FARP1: variants seen among roughly 807,000 people sequenced by gnomAD.
The protein encoded by FARP1 is FERM, ARHGEF and pleckstrin domain-containing protein 1.
FARP1 carries 52 observed loss-of-function variants against 128.8 expected under a neutral mutation model. That is an observed-to-expected ratio of 0.40 (90% CI 0.32 to 0.51). The LOEUF (loss-of-function observed/expected upper bound fraction) is 0.51, where lower values mean the gene tolerates loss of function less well. Ranked by LOEUF, FARP1 falls within the 20% of genes least tolerant of loss-of-function variation. The pLI is 0.45. For synonymous variants in FARP1, 580 were observed against 551.8 expected (o/e 1.05, Z -0.72); for missense variants, 1,333 against 1,367.9 (o/e 0.97, Z 0.40).
intron 1 of FARP1, among the ~76,000 whole-genome samples, chr13:98,189,912 C>A (rs1197979090): frequency 6.6e-6 from 1 of 152,146 alleles, no homozygotes; most frequent in Non-Finnish European, 1.5e-5. Flanking sequence ...TTTTTTACTG[C>A]TTATTTAAAA....
At chr13:98,273,927 C>G (rs750408966) in intron 2 of FARP1, among the ~76,000 whole-genome samples, 33 of 152,116 alleles carry the variant, frequency 2.2e-4, no homozygotes, top group Non-Finnish European at 3.8e-4. Flanking sequence ...TGATGGCGGT[C>G]AATGACAGAC....
chr13:98,323,009 T>C (rs1594401374), intron 2 of FARP1, among the ~76,000 whole-genome samples: 1 of 152,168 alleles, frequency 6.6e-6, no homozygotes, highest in East Asian at 1.9e-4. Flanking sequence ...AACAGTAATA[T>C]TAGATATATG....
chr13:98,377,650 T>C (rs1272944439), intron 5 of FARP1, among the ~76,000 whole-genome samples, 171 bp from the exon 6 acceptor site: 1 of 152,192 alleles, frequency 6.6e-6, no homozygotes, highest in East Asian at 1.9e-4. Flanking sequence ...CTCTTTGTAT[T>C]TTGGAGGGAG....
At chr13:98,392,327 A>C (rs1243818209) in intron 11 of FARP1, among the ~76,000 whole-genome samples, 1 of 133,808 alleles carries the variant, frequency 7.5e-6, no homozygotes, top group African/African-American at 3.2e-5. Context: ...TCTACCCAAA[A>C]AAAAAAAAAA....
Position 98,343,836 on chromosome 13 carries a change from C to A in FARP1, c.246C>A (p.Gly82=), listed in dbSNP as rs1234781460. Residue 82 remains glycine, a synonymous_variant, in exon 3 of 27, where the codon GGC becomes GGA. Transcript: ENST00000319562. Reference sequence around the variant, plus strand: ...ACCTCGTGGAAGGTGACTATTTTGGCCTCGAGTTTCCTGATCACAAAAAGA... The same window carrying A: ...ACCTCGTGGAAGGTGACTATTTTGGACTCGAGTTTCCTGATCACAAAAAGA... The part of the protein sequence containing the change: ...HLNLVEGDYF[G]LEFPDHKKIT... 5.0e-6 allele frequency: 8 copies of A among 1,612,584 alleles called. No homozygotes were observed. The highest frequency in any genetic ancestry group is 6.8e-6 in the Non-Finnish European group (8 of 1,179,430).
intron 2 of FARP1, among the ~76,000 whole-genome samples, chr13:98,249,772 C>T (rs567278331): frequency 7.9e-5 from 12 of 152,222 alleles, no homozygotes; most frequent in Middle Eastern, 3.4e-3. Context: ...AAAAGACAGA[C>T]GGAAACCTGA....
chr13:98,289,619 C>T (rs906350540), intron 2 of FARP1, among the ~76,000 whole-genome samples: 1 of 152,150 alleles, frequency 6.6e-6, no homozygotes, highest in Non-Finnish European at 1.5e-5. Context: ...GGTCCCTGCT[C>T]TCAAGGAGAT....
rs1268313236 is a variant in FARP1, at chr13:98,204,387, A to T, written c.-23-8833A>T. On this transcript the variant is annotated intron_variant, in intron 1 of 26. Transcript: ENST00000319562. ...ATCTTCCTATTATCAGTTTTAAAAC[A>T]TGAGGTAATAGGTAACTTACAGTGC... is the stretch of plus-strand genomic sequence containing the variant. Among the ~76,000 whole-genome samples, 3 of 152,340 alleles carry T rather than the reference A, an allele frequency of 2.0e-5. No homozygotes were observed. The East Asian group carries it at 5.8e-4, about 29-fold the overall frequency.
chr13:98,239,383 T>G (rs1247189711), intron 2 of FARP1, among the ~76,000 whole-genome samples: 1 of 152,200 alleles, frequency 6.6e-6, no homozygotes, highest in Non-Finnish European at 1.5e-5. Flanking sequence ...TGCTTGCAAT[T>G]GGAGCTCTTT....
chr13:98,248,046 C>T (rs753787106), intron 2 of FARP1, among the ~76,000 whole-genome samples: 7 of 152,174 alleles, frequency 4.6e-5, no homozygotes, highest in African/African-American at 7.2e-5. Context: ...CAAAAACCTT[C>T]GCAGCCTCTC....
chr13:98,395,456 A>G lies in FARP1; in HGVS notation c.1394A>G (p.Gln465Arg). 6.3e-7 allele frequency: 1 copy of G among 1,589,426 alleles called. No individual in the cohort carries two copies. The highest frequency in any genetic ancestry group is 8.6e-7 in the Non-Finnish European group (1 of 1,162,178). ...GATAGGACCCAGCAGAGTAAACCTC[A>G]GCCCCCGCAGCCAAGCACAGGTCCA... Reference protein sequence around the residue: ...VKDRTQQSKPQPPQPSTGSLT... With the variant: ...VKDRTQQSKPRPPQPSTGSLT... Residue 465 changes from glutamine (Q) to arginine (R), a missense_variant, in exon 13 of 27, where the codon CAG becomes CGG. Gln to Arg is a conservative substitution (Grantham distance 43). This residue lies in a region of FARP1 where 1,009 missense variants were observed against 969.8 expected (regional missense o/e 1.04). Transcript: ENST00000319562.
intron 19 of FARP1, chr13:98,437,799 T>C (rs748610934): frequency 2.7e-5 from 43 of 1,595,032 alleles, no homozygotes; most frequent in Non-Finnish European, 3.7e-5. Flanking sequence ...GACTCCACAC[T>C]TAGGACAAGC....
intron 16 of FARP1, among the ~76,000 whole-genome samples, chr13:98,414,008 G>C (rs1446134633): frequency 6.6e-6 from 1 of 152,194 alleles, no homozygotes; most frequent in African/African-American, 2.4e-5. Context: ...GCCCTTCATG[G>C]TGGCTTTGGC....
At chr13:98,230,429 A>G (rs1300304475) in intron 2 of FARP1, among the ~76,000 whole-genome samples, 2 of 152,174 alleles carry the variant, frequency 1.3e-5, no homozygotes, top group Non-Finnish European at 2.9e-5. Context: ...AAAAGCATTG[A>G]TGATTTAGAT....
At chr13:98,369,849 T>C (rs1889254824) in intron 5 of FARP1, among the ~76,000 whole-genome samples, 1 of 152,218 alleles carries the variant, frequency 6.6e-6, no homozygotes, top group Non-Finnish European at 1.5e-5. Flanking sequence ...GGCCATCATA[T>C]CCTTCCTCAT....
chr13:98,306,834 A>G (rs1886189194), intron 2 of FARP1, among the ~76,000 whole-genome samples: 1 of 152,174 alleles, frequency 6.6e-6, no homozygotes, highest in Non-Finnish European at 1.5e-5. Flanking sequence ...TCTAGCTCCA[A>G]AATCTGTGCT....
At chr13:98,217,194 A>G (rs1285326958) in intron 2 of FARP1, among the ~76,000 whole-genome samples, 1 of 152,258 alleles carries the variant, frequency 6.6e-6, no homozygotes, top group Non-Finnish European at 1.5e-5. Flanking sequence ...GTGTTTCTAT[A>G]GGAAGAGCAG....
At chr13:98,289,830 C>T (rs147332180) in intron 2 of FARP1, among the ~76,000 whole-genome samples, 1 of 152,270 alleles carries the variant, frequency 6.6e-6, no homozygotes, top group Non-Finnish European at 1.5e-5. Flanking sequence ...ACATTGATTA[C>T]TACAGGGACC....
intron 2 of FARP1, among the ~76,000 whole-genome samples, chr13:98,290,502 G>T (rs1367396731): frequency 6.6e-6 from 1 of 152,078 alleles, no homozygotes; most frequent in Non-Finnish European, 1.5e-5. Context: ...GAACCGCAAG[G>T]TGTCCTCCAT....
Sources: allele counts gnomAD v4.1 joint callset (sites outside exome capture counted in the v4.1 genomes callset), GRCh38; gene constraint gnomAD v4.1.1; regional missense constraint gnomAD v4.1.1; transcripts MANE v1.5; gene names NCBI Gene and HGNC (gene_info 2026-07-23, HGNC 2026-07-21).